Variants in PRKCE observed in about 807,000 individuals in gnomAD.
PRKCE encodes protein kinase C epsilon, also known as protein kinase C epsilon type.
In PRKCE, 16 loss-of-function variants were observed where a neutral mutation model predicts 85.4. The ratio of observed to expected loss-of-function variants is 0.19; its 90% CI spans 0.13 to 0.28. PRKCE has a LOEUF of 0.28. PRKCE is among the 10% of genes least tolerant of loss of function. The pLI, the probability that PRKCE is intolerant of heterozygous loss-of-function variation, is 1.00. For missense variants in PRKCE, 573 were observed against 975.2 expected (o/e 0.59, Z 5.49); for synonymous variants, 388 against 371.5 (o/e 1.04, Z -0.51).
intron 2 of PRKCE, among the ~76,000 whole-genome samples, chr2:45,941,312 TCTGGG>T (rs1699863615): frequency 6.6e-6 from 1 of 152,134 alleles, no homozygotes; most frequent in African/African-American, 2.4e-5. Flanking sequence ...AGCTTAGTGA[TCTGGG>T]CATTTTCTGC....
At chr2:46,094,360 G>A (rs1670470556) in intron 11 of PRKCE, among the ~76,000 whole-genome samples, 1 of 152,110 alleles carries the variant, frequency 6.6e-6, no homozygotes, top group African/African-American at 2.4e-5. Flanking sequence ...GAAATATTGA[G>A]ACTTTCCTTT....
chr2:46,158,029 C>T (rs1677389569), intron 13 of PRKCE, among the ~76,000 whole-genome samples: 1 of 152,250 alleles, frequency 6.6e-6, no homozygotes, highest in Admixed American at 6.5e-5. Context: ...TGCCCTGAGG[C>T]CCAGCCTTTA....
At chr2:45,780,888 C>T (rs995659717) in intron 1 of PRKCE, among the ~76,000 whole-genome samples, 1 of 152,260 alleles carries the variant, frequency 6.6e-6, no homozygotes, top group Middle Eastern at 3.4e-3. Flanking sequence ...TAGCTCATCC[C>T]GTTGACACTG....
chr2:45,792,023 A>G (rs1348394229), intron 1 of PRKCE, among the ~76,000 whole-genome samples: 1 of 152,246 alleles, frequency 6.6e-6, no homozygotes, highest in Non-Finnish European at 1.5e-5. Flanking sequence ...CTCTAACAGA[A>G]TAGCTAAGGC....
chr2:46,041,800 A>G lies in PRKCE; in HGVS notation c.1437+31283A>G, dbSNP rs115232456. ...TCTTTAAGCTGGAGGAATTTGCCCTAAAACTGTTCTGCACGGCCAACAATT... is the reference window on the plus strand; with the variant it reads ...TCTTTAAGCTGGAGGAATTTGCCCTGAAACTGTTCTGCACGGCCAACAATT... On this transcript the variant is annotated intron_variant, in intron 10 of 14. Coordinates refer to ENST00000306156, the MANE Select transcript of PRKCE (RefSeq NM_005400.3). The surrounding 1 kb of genome is among the most constrained non-coding windows in gnomAD (Gnocchi z 5.5). 4.0e-3 allele frequency among the ~76,000 whole-genome samples: 610 copies of G among 152,344 alleles called. 8 individuals are homozygous for G. Among genetic ancestry groups the G allele is most frequent in the African/African-American group, 0.014 (584 of 41,588 alleles).
chr2:45,701,084 C>T (rs942188324), intron 1 of PRKCE, among the ~76,000 whole-genome samples: 1 of 151,978 alleles, frequency 6.6e-6, no homozygotes, highest in Non-Finnish European at 1.5e-5. Context: ...TTTGTGGCAG[C>T]CCTAGGAAAC....
chr2:46,046,007 G>A (rs1022833741), intron 10 of PRKCE, among the ~76,000 whole-genome samples: 1 of 152,240 alleles, frequency 6.6e-6, no homozygotes, highest in Non-Finnish European at 1.5e-5. Flanking sequence ...TCTCCTGGGG[G>A]ACAAAGACAA....
intron 1 of PRKCE, among the ~76,000 whole-genome samples, chr2:45,720,869 G>C (rs991619321): frequency 1.3e-5 from 2 of 152,138 alleles, no homozygotes; most frequent in Non-Finnish European, 2.9e-5. Flanking sequence ...AGCACTTTGG[G>C]AGGCCGAGGT....
chr2:46,070,779 C>T (rs193101410), intron 10 of PRKCE, among the ~76,000 whole-genome samples: 130 of 152,334 alleles, frequency 8.5e-4, no homozygotes, highest in Non-Finnish European at 1.6e-3. Flanking sequence ...GGCTGTGCTA[C>T]TTACTAGTTC....
chr2:45,662,702 T>TTC (rs1553372054), intron 1 of PRKCE, among the ~76,000 whole-genome samples: 1 of 151,226 alleles, frequency 6.6e-6, no homozygotes, highest in South Asian at 2.1e-4. Context: ...CTTTTTTTTT[T>TTC]CCCTCTTTGC....
intron 10 of PRKCE, among the ~76,000 whole-genome samples, chr2:46,037,639 A>G (rs1707951486): frequency 6.6e-6 from 1 of 152,228 alleles, no homozygotes; most frequent in Non-Finnish European, 1.5e-5. Context: ...ATACATTTCA[A>G]GAAAACAACC....
At chr2:45,760,221 C>A (rs180890860) in intron 1 of PRKCE, among the ~76,000 whole-genome samples, 35 of 152,260 alleles carry the variant, frequency 2.3e-4, no homozygotes, top group African/African-American at 7.9e-4. Context: ...GAGGCATCTT[C>A]CTGCAAACCA....
chr2:45,893,570 G>A (rs996543832), intron 2 of PRKCE, among the ~76,000 whole-genome samples: 3 of 151,794 alleles, frequency 2.0e-5, no homozygotes, highest in Admixed American at 2.0e-4. Flanking sequence ...GTTTCACCAT[G>A]TTGGCCAGGC....
At chr2:46,046,635 T>C (rs1038173581) in intron 10 of PRKCE, among the ~76,000 whole-genome samples, 13 of 152,348 alleles carry the variant, frequency 8.5e-5, no homozygotes, top group African/African-American at 3.1e-4. Context: ...GGGTTCTTCC[T>C]GGTAAGAGTT....
chr2:45,691,422 C>G (rs1677716974), intron 1 of PRKCE, among the ~76,000 whole-genome samples: 1 of 152,126 alleles, frequency 6.6e-6, no homozygotes, highest in Middle Eastern at 3.2e-3. Flanking sequence ...GGAGTGTTTC[C>G]CCTCTGTCCA....
At position 45,842,199 on chromosome 2, in the gene PRKCE, A is replaced by G. The variant is rs1021479533; in HGVS notation, c.349-801A>G. On this transcript the variant is annotated intron_variant, in intron 1 of 14. Coordinates refer to ENST00000306156, the MANE Select transcript of PRKCE (RefSeq NM_005400.3). ...TTTCACCACCTTGTCTCTGTATATT[A>G]TAAGTAGTTAGCTGGATTTGAGGTG... Among the ~76,000 whole-genome samples, 4 of 152,202 alleles carry G rather than the reference A, an allele frequency of 2.6e-5. No homozygotes were observed. The South Asian group carries it at 6.2e-4, about 24-fold the overall frequency.
At chr2:45,738,888 G>C (rs868482470) in intron 1 of PRKCE, among the ~76,000 whole-genome samples, 1 of 152,186 alleles carries the variant, frequency 6.6e-6, no homozygotes, top group African/African-American at 2.4e-5. Context: ...CTGTTATTTC[G>C]TGATCTTCAC....
intron 2 of PRKCE, among the ~76,000 whole-genome samples, chr2:45,936,937 C>G (rs1042239433): frequency 6.6e-6 from 1 of 152,194 alleles, no homozygotes. Flanking sequence ...AGCAGGCACA[C>G]CTGTTCAGAC....
rs747160462 is a variant in PRKCE at position 45,913,387 on chromosome 2, C to T, written c.413-63042C>T. Among the ~76,000 whole-genome samples the T allele has an allele frequency of 3.9e-5, 6 of 152,158 alleles. No individual in the cohort carries two copies. In the East Asian group the frequency reaches 5.8e-4, roughly 15 times the overall value. ...CTGGTCTTGAACTCCTGGGCTCAAG[C>T]GATCCACCCATCTTGGCCTCCCAGA... On this transcript the variant is annotated intron_variant, in intron 2 of 14. Transcript: ENST00000306156.
Sources: gnomAD v4.1 joint callset for allele counts (sites outside exome capture counted in the v4.1 genomes callset) on GRCh38, gnomAD v4.1.1 for gene constraint, Gnocchi (gnomAD v3.1) non-coding constraint, MANE v1.5 for transcripts, NCBI Gene and HGNC (gene_info 2026-07-23, HGNC 2026-07-21) for gene names.